SPPL2A: variants seen among roughly 807,000 people sequenced by gnomAD.
The protein encoded by SPPL2A is signal peptide peptidase like 2A.
In SPPL2A, 51 loss-of-function variants were observed where a neutral mutation model predicts 63.8. That is an observed-to-expected ratio of 0.80 (90% CI 0.64 to 1.01). The LOEUF (loss-of-function observed/expected upper bound fraction) is 1.01. Among genes scored for constraint, SPPL2A ranks in the 50% least tolerant of loss-of-function variants. The probability of loss-of-function intolerance (pLI) is 0.00; values close to 1 mark genes in which losing one functional copy is unlikely to be tolerated. For synonymous variants in SPPL2A, 188 were observed against 205.8 expected (o/e 0.91, Z 0.74); for missense variants, 553 against 622.7 (o/e 0.89, Z 1.19).
chr15:50,707,423 C>G lies in SPPL2A; in HGVS notation c.*377G>C, dbSNP rs1001754753. On this transcript the variant is annotated 3_prime_UTR_variant, in exon 15 of 15. Coordinates refer to ENST00000261854, the MANE Select transcript of SPPL2A (RefSeq NM_032802.4). The stretch of plus-strand genomic sequence containing the variant: ...TGAGCCACCGCGCCTGGCCAATTTG[C>G]ATAATTCTTTACAGTAAAACCCATT... The G allele has an allele frequency of 6.3e-6, 1 of 159,658 alleles. No homozygotes were observed. The highest frequency in any genetic ancestry group is 2.4e-5 in the African/African-American group (1 of 41,622). 9.9% of individuals were successfully genotyped at this position (159,658 alleles called of 1,614,324 possible).
intron 8 of SPPL2A, among the ~76,000 whole-genome samples, chr15:50,734,758 A>T (rs12911578): frequency 0.28 from 43,282 of 152,172 alleles, 6,856 homozygotes; most frequent in East Asian, 0.55. Flanking sequence ...ATTCACATTG[A>T]ATGCCTGTAT....
At chr15:50,757,671 G>A (rs888676179) in intron 1 of SPPL2A, among the ~76,000 whole-genome samples, 1 of 152,124 alleles carries the variant, frequency 6.6e-6, no homozygotes, top group South Asian at 2.1e-4. Flanking sequence ...TTTATGAGGT[G>A]CCTGTTATGG....
chr15:50,739,575 C>T lies in SPPL2A; in HGVS notation c.733+105G>A, dbSNP rs971105677. 8 of 750,768 alleles carry T rather than the reference C, an allele frequency of 1.1e-5. No individual in the cohort carries two copies. The African/African-American group carries it at 1.5e-4, about 14-fold the overall frequency. The allele number at this position is 750,768 out of a possible 1,614,324, so 46.5% of individuals were successfully genotyped here. On this transcript the variant is annotated intron_variant, in intron 6 of 14. Coordinates refer to ENST00000261854, the MANE Select transcript of SPPL2A (RefSeq NM_032802.4). ...AAATTAATATTAACCAAATTATTCACATACGTTTTCCAGGTAGAATGGCTT... is the reference window on the plus strand; with the variant it reads ...AAATTAATATTAACCAAATTATTCATATACGTTTTCCAGGTAGAATGGCTT...
chr15:50,761,860 A>G (rs2063014285), intron 1 of SPPL2A, among the ~76,000 whole-genome samples: 2 of 152,008 alleles, frequency 1.3e-5, no homozygotes, highest in Non-Finnish European at 2.9e-5. Flanking sequence ...AGAACCCAGG[A>G]GGCAGAGGTT....
chr15:50,739,660 CAT>C lies in SPPL2A; in HGVS notation c.733+18_733+19del. 6.6e-7 allele frequency: 1 copy of C among 1,519,062 alleles called. No homozygotes were observed. The highest frequency in any genetic ancestry group is 8.8e-7 in the Non-Finnish European group (1 of 1,131,776). The allele number at this position is 1,519,062 out of a possible 1,614,324, so 94.1% of individuals were successfully genotyped here. The stretch of plus-strand genomic sequence containing the variant: ...AAGAATGTATGTTAACAGTAGCAAA[CAT>C]AAAATATGACTTCTTACCCAACCAT... On this transcript the variant is annotated intron_variant, in intron 6 of 14. Coordinates refer to ENST00000261854, the MANE Select transcript of SPPL2A (RefSeq NM_032802.4).
At position 50,765,522 on chromosome 15, in the gene SPPL2A, C is replaced by A. The variant is rs374634014; in HGVS notation, c.12G>T (p.Gln4His). MGP[Q>H]RRLSPAGAAL... is the part of the protein sequence containing the mutation. ...CGGCCCCGGCAGGGGACAGCCGCCG[C>A]TGCGGCCCCATCGGACTGGTGGGTG... Residue 4 changes from glutamine (Q) to histidine (H), a missense_variant, in exon 1 of 15, where the codon CAG (glutamine) becomes CAT (histidine). Coordinates refer to ENST00000261854, the MANE Select transcript of SPPL2A (RefSeq NM_032802.4). 1,587 of 1,499,154 alleles carry A rather than the reference C, an allele frequency of 1.1e-3. 25 individuals are homozygous for A. In the East Asian group the frequency reaches 0.035, roughly 33 times the overall value. The allele number at this position is 1,499,154 out of a possible 1,614,324, so 92.9% of individuals were successfully genotyped here. A position where few individuals can be genotyped will look rare whatever the true frequency, so the allele number is the denominator to read the frequency against.
intron 10 of SPPL2A, 51 bp downstream of exon 10, chr15:50,730,914 A>T (rs1404601022): frequency 3.9e-6 from 3 of 767,084 alleles, no homozygotes; most frequent in Non-Finnish European, 4.7e-6. Context: ...CAGATTTAAG[A>T]TGATCATTTT....
intron 1 of SPPL2A, among the ~76,000 whole-genome samples, chr15:50,755,437 A>G (rs1397486480): frequency 6.6e-6 from 1 of 152,050 alleles, no homozygotes; most frequent in Non-Finnish European, 1.5e-5. Flanking sequence ...TCTGGGCAAT[A>G]TGGAGAGATC....
At chr15:50,754,337 T>C (rs2062936088) in intron 1 of SPPL2A, among the ~76,000 whole-genome samples, 1 of 152,198 alleles carries the variant, frequency 6.6e-6, no homozygotes, top group Non-Finnish European at 1.5e-5. Flanking sequence ...CCTATGGGTT[T>C]TGATAAGTGT....
At position 50,749,625 on chromosome 15, in the gene SPPL2A, G is replaced by A; in HGVS notation, c.177+11C>T. 1 of 1,450,836 alleles carries A rather than the reference G, an allele frequency of 6.9e-7. No homozygotes were observed. Among genetic ancestry groups the A allele is most frequent in the South Asian group, 1.1e-5 (1 of 87,780 alleles). 89.9% of individuals were successfully genotyped at this position (1,450,836 alleles called of 1,614,324 possible). A position where few individuals can be genotyped will look rare whatever the true frequency, so the allele number is the denominator to read the frequency against. On this transcript the variant is annotated intron_variant, in intron 2 of 14. Transcript: ENST00000261854. ...TTTTATGTTTATGAATAGTAACTGT[G>A]ATTTACTTACTGCATTTTCTAGGGT...
intron 8 of SPPL2A, among the ~76,000 whole-genome samples, chr15:50,735,804 C>T (rs1461196329): frequency 2.0e-5 from 3 of 151,932 alleles, no homozygotes; most frequent in East Asian, 1.9e-4. Flanking sequence ...CTCAAACTCC[C>T]GACCTCAGGT....
intron 8 of SPPL2A, among the ~76,000 whole-genome samples, chr15:50,733,881 T>G (rs1301502331): frequency 6.6e-6 from 1 of 151,260 alleles, no homozygotes; most frequent in African/African-American, 2.4e-5. Flanking sequence ...TCCAAAGACA[T>G]AAAAATAACC....
intron 6 of SPPL2A, among the ~76,000 whole-genome samples, chr15:50,737,931 G>A (rs2062784960): frequency 6.6e-6 from 1 of 152,066 alleles, no homozygotes; most frequent in Non-Finnish European, 1.5e-5. Context: ...AATTAGCTGG[G>A]GGTGGTGCCA....
At chr15:50,733,297 C>T (rs8028610) in intron 8 of SPPL2A, among the ~76,000 whole-genome samples, 37,973 of 151,892 alleles carry the variant, frequency 0.25, 5,704 homozygotes, top group East Asian at 0.54. Context: ...GCTTTGTTTC[C>T]CAAATTTTAG....
chr15:50,740,877 G>C (rs2062814786), intron 5 of SPPL2A, among the ~76,000 whole-genome samples: 5 of 152,024 alleles, frequency 3.3e-5, no homozygotes, highest in Non-Finnish European at 4.4e-5. Context: ...CAAAATGCTG[G>C]GATTACAGGT....
intron 1 of SPPL2A, among the ~76,000 whole-genome samples, chr15:50,755,419 T>C (rs1397703612): frequency 3.9e-5 from 6 of 151,930 alleles, no homozygotes; most frequent in Non-Finnish European, 7.4e-5. Context: ...CCAGGAGTTC[T>C]AGACCAGTCT....
chr15:50,728,585 A>T lies in SPPL2A; in HGVS notation c.1090-2208T>A, dbSNP rs187097147. ...ATGGTCTCAATCTCCTGACCTCGTG[A>T]TCCGCCCACCTTGGCCTCCCGAAGT... is the stretch of plus-strand genomic sequence containing the variant. On this transcript the variant is annotated intron_variant, in intron 10 of 14. Transcript: ENST00000261854. Among the ~76,000 whole-genome samples the T allele has an allele frequency of 1.5e-3, 227 of 151,496 alleles. 1 individual carries two copies. The highest frequency in any genetic ancestry group is 0.01 in the South Asian group (49 of 4,796).
At chr15:50,718,259 G>A (rs2062615158) in intron 14 of SPPL2A, among the ~76,000 whole-genome samples, 1 of 152,174 alleles carries the variant, frequency 6.6e-6, no homozygotes, top group South Asian at 2.1e-4. Context: ...TTACAGGCAT[G>A]AGCCACCGCG....
intron 11 of SPPL2A, 119 bp from the exon 12 acceptor site, chr15:50,725,442 C>A (rs1019989762): frequency 1.6e-6 from 1 of 642,412 alleles, no homozygotes; most frequent in Non-Finnish European, 2.7e-6. Flanking sequence ...TTTTTGGAGA[C>A]AGAGTCTCGC....
Sources: gnomAD v4.1 joint callset for allele counts (sites outside exome capture counted in the v4.1 genomes callset) on GRCh38, gnomAD v4.1.1 for gene constraint, MANE v1.5 for transcripts, NCBI Gene and HGNC (gene_info 2026-07-23, HGNC 2026-07-21) for gene names.